Variants in STPG2 observed in about 807,000 individuals in gnomAD.
STPG2 encodes the protein sperm tail PG-rich repeat containing 2, also known as sperm-tail PG-rich repeat-containing protein 2.
STPG2 carries 56 observed loss-of-function variants against 54.2 expected under a neutral mutation model. The ratio of observed to expected loss-of-function variants is 1.03; its 90% CI spans 0.83 to 1.29. STPG2 has a LOEUF of 1.29. STPG2 is among the 50% of genes most tolerant of loss of function. STPG2 has a pLI of 0.00. For synonymous variants in STPG2, 200 were observed against 181.8 expected (o/e 1.10, Z -0.81); for missense variants, 596 against 544.9 (o/e 1.09, Z -0.93).
chr4:98,068,681 C>T (rs991140683), intron 5 of STPG2, among the ~76,000 whole-genome samples: 2 of 151,594 alleles, frequency 1.3e-5, no homozygotes, highest in African/African-American at 4.9e-5. Flanking sequence ...TCATGAATCA[C>T]TTAACGATGG....
intron 9 of STPG2, among the ~76,000 whole-genome samples, chr4:97,733,070 G>A (rs1724858912): frequency 6.6e-6 from 1 of 151,936 alleles, no homozygotes; most frequent in Admixed American, 6.6e-5. Flanking sequence ...ATTCAATCCA[G>A]CAATCCCACT....
chr4:97,588,193 T>TATG (rs1397280335), intron 10 of STPG2, among the ~76,000 whole-genome samples: 2 of 151,842 alleles, frequency 1.3e-5, no homozygotes, highest in Non-Finnish European at 2.9e-5. Flanking sequence ...GCCTGGCCAA[T>TATG]ATGACGAACC....
rs146458097 is a variant in STPG2, at chr4:97,468,693, C to T, written c.462+244006G>A. Among the ~76,000 whole-genome samples the T allele has an allele frequency of 4.2e-3, 639 of 152,054 alleles. 3 individuals are homozygous for T. Among genetic ancestry groups the T allele is most frequent in the South Asian group, 0.02 (98 of 4,826 alleles). On this transcript the variant is annotated intron_variant, in intron 4 of 4. Transcript: ENST00000522676. ...AGACTATTAAATTTTTTCCTATGCC[C>T]TATAAACACTATAGAACAGCAAATC...
At chr4:97,554,941 T>C (rs937855897), downstream of STPG2, among the ~76,000 whole-genome samples, 1 of 152,154 alleles carries the variant, frequency 6.6e-6, no homozygotes, top group Non-Finnish European at 1.5e-5. Flanking sequence ...TATTTTGAGC[T>C]GGTTATTTTG....
intron 9 of STPG2, among the ~76,000 whole-genome samples, chr4:97,747,376 T>C (rs968671774): frequency 1.3e-5 from 2 of 151,416 alleles, no homozygotes; most frequent in Non-Finnish European, 3.0e-5. Flanking sequence ...TTAATCCATG[T>C]TGTCAAACTC....
Position 97,642,003 on chromosome 4 carries a change from T to G in STPG2, c.1320+70696A>C, listed in dbSNP as rs1257095556. 3.3e-5 allele frequency among the ~76,000 whole-genome samples: 5 copies of G among 151,612 alleles called. No individual in the cohort carries two copies. The East Asian group carries it at 7.8e-4, about 24-fold the overall frequency. Reference sequence around the variant, plus strand: ...TTATTCTCCATGGTTTATTTGGCATTTAACTTATTATGCTCTAACCAATAA... The same window carrying G: ...TTATTCTCCATGGTTTATTTGGCATGTAACTTATTATGCTCTAACCAATAA... On this transcript the variant is annotated intron_variant, in intron 10 of 10. Coordinates refer to ENST00000295268, the MANE Select transcript of STPG2 (RefSeq NM_174952.3).
intron 10 of STPG2, among the ~76,000 whole-genome samples, chr4:97,587,544 G>A (rs566688426): frequency 6.6e-6 from 1 of 152,036 alleles, no homozygotes; most frequent in Admixed American, 6.6e-5. Flanking sequence ...GTTGAGGTGG[G>A]TCACAGGACT....
intron 10 of STPG2, among the ~76,000 whole-genome samples, chr4:97,701,081 C>G (rs752711705): frequency 6.6e-6 from 1 of 152,162 alleles, no homozygotes; most frequent in Non-Finnish European, 1.5e-5. Context: ...TCTCTGCAAT[C>G]CCTCCAGGGA....
intron 4 of STPG2, among the ~76,000 whole-genome samples, chr4:97,517,151 G>A (rs1361910889): frequency 2.0e-5 from 3 of 151,854 alleles, no homozygotes; most frequent in Non-Finnish European, 4.4e-5. Flanking sequence ...CAAGTGATTC[G>A]CCCGACTTGG....
chr4:97,607,249 G>GCTGT (rs1161938923), intron 10 of STPG2, among the ~76,000 whole-genome samples: 1 of 147,900 alleles, frequency 6.8e-6, no homozygotes, highest in Admixed American at 6.6e-5. Flanking sequence ...TTTTATCTCA[G>GCTGT]CTGTGTTTCC....
chr4:98,064,143 C>A (rs1420138790), intron 5 of STPG2, among the ~76,000 whole-genome samples: 1 of 152,070 alleles, frequency 6.6e-6, no homozygotes, highest in East Asian at 1.9e-4. Context: ...GTAGGAAAAT[C>A]TGATTAAACA....
chr4:98,031,480 T>C (rs13131405), intron 5 of STPG2, among the ~76,000 whole-genome samples: 59,854 of 151,726 alleles, frequency 0.39, 12,033 homozygotes, highest in Middle Eastern at 0.46. Flanking sequence ...AGATGGAGAC[T>C]ATCCTGGCCA....
At chr4:97,738,007 G>A (rs1291126716) in intron 9 of STPG2, among the ~76,000 whole-genome samples, 3 of 152,172 alleles carry the variant, frequency 2.0e-5, no homozygotes, top group Non-Finnish European at 4.4e-5. Context: ...GCTAACAGCG[G>A]ATCTCTTGGC....
chr4:97,562,677 T>C (rs1389613271), intron 10 of STPG2, among the ~76,000 whole-genome samples: 6 of 152,206 alleles, frequency 3.9e-5, no homozygotes, highest in Non-Finnish European at 8.8e-5. Context: ...GTCAAAGGCC[T>C]TTTCTGCATC....
At chr4:97,974,256 T>A (rs1326833835) in intron 6 of STPG2, among the ~76,000 whole-genome samples, 1 of 152,080 alleles carries the variant, frequency 6.6e-6, no homozygotes, top group Non-Finnish European at 1.5e-5. Flanking sequence ...TTGGAATGGG[T>A]GTGTTTACCC....
At chr4:97,570,582 C>G (rs75658727) in intron 10 of STPG2, among the ~76,000 whole-genome samples, 2,593 of 151,838 alleles carry the variant, frequency 0.017, 64 homozygotes, top group African/African-American at 0.058. Flanking sequence ...TTCCTGCCCC[C>G]ACTCCCACTG....
At chr4:97,526,893 T>C (rs1019031286) in intron 4 of STPG2, among the ~76,000 whole-genome samples, 1 of 152,110 alleles carries the variant, frequency 6.6e-6, no homozygotes, top group Non-Finnish European at 1.5e-5. Flanking sequence ...TTTCTGCATA[T>C]GCCTAGCCAG....
At chr4:97,705,047 A>G (rs1429032701) in intron 10 of STPG2, among the ~76,000 whole-genome samples, 3 of 152,140 alleles carry the variant, frequency 2.0e-5, no homozygotes, top group African/African-American at 7.2e-5. Context: ...TTTGGTGTCT[A>G]TAGCTCAGAG....
chr4:98,037,420 T>G (rs1462874612), intron 5 of STPG2, among the ~76,000 whole-genome samples: 2 of 151,934 alleles, frequency 1.3e-5, no homozygotes, highest in African/African-American at 4.8e-5. Flanking sequence ...CACACACTAA[T>G]GAGTATTTTT....
Sources: allele counts gnomAD v4.1 joint callset (sites outside exome capture counted in the v4.1 genomes callset), GRCh38; gene constraint gnomAD v4.1.1; transcripts MANE v1.5; gene names NCBI Gene and HGNC (gene_info 2026-07-23, HGNC 2026-07-21).